The following PHKB variants were observed in gnomAD, a reference collection of about 807,000 sequenced individuals.
The protein encoded by PHKB is phosphorylase b kinase regulatory subunit beta.
Under a neutral mutation model 152.1 loss-of-function variants are expected in PHKB, and 122 were observed. The observed-to-expected ratio is 0.80, with a 90% CI of 0.69 to 0.93. The LOEUF is 0.93. PHKB is among the 40% of genes least tolerant of loss of function. PHKB has a pLI of 0.00. For synonymous variants in PHKB, 436 were observed against 464.9 expected, an observed-to-expected ratio of 0.94 and a Z score of 0.80; for missense variants, 1,304 against 1,328.4, an observed-to-expected ratio of 0.98 and a Z score of 0.29.
At chr16:47,612,784 G>A (rs909088667) in intron 14 of PHKB, among the ~76,000 whole-genome samples, 1 of 152,130 alleles carries the variant, frequency 6.6e-6, no homozygotes, top group Non-Finnish European at 1.5e-5. Flanking sequence ...GGTTGTGGTG[G>A]TATATAAAAT....
chr16:47,629,554 G>T (rs1972782647), intron 14 of PHKB, among the ~76,000 whole-genome samples: 1 of 150,814 alleles, frequency 6.6e-6, no homozygotes, highest in African/African-American at 2.4e-5. Flanking sequence ...GGAGAAATAG[G>T]AACACTTTTA....
Position 47,672,188 on chromosome 16 carries a change from T to A in PHKB, c.2630+2771T>A, listed in dbSNP as rs75445578. 2.5e-3 allele frequency among the ~76,000 whole-genome samples: 385 copies of A among 152,292 alleles called. 1 individual carries two copies. The highest frequency in any genetic ancestry group is 2.9e-3 in the Non-Finnish European group (200 of 67,990). ...TATCTTTGTCTCTTCTTTCTTTTGA[T>A]TGAAAGTAAATTACCTGCATAGAAT... On this transcript the variant is annotated intron_variant, in intron 26 of 30. Transcript: ENST00000323584.
intron 6 of PHKB, among the ~76,000 whole-genome samples, chr16:47,517,617 A>T (rs1185411870): frequency 6.6e-6 from 1 of 152,132 alleles, no homozygotes; most frequent in African/African-American, 2.4e-5. Flanking sequence ...AATATATGTC[A>T]TAATTCATTT....
chr16:47,685,487 ATT>A (rs1973948821), intron 26 of PHKB, among the ~76,000 whole-genome samples: 1 of 152,188 alleles, frequency 6.6e-6, no homozygotes, highest in East Asian at 1.9e-4. Flanking sequence ...TGGCCTTGTC[ATT>A]GGGAATGAGG....
intron 25 of PHKB, among the ~76,000 whole-genome samples, chr16:47,668,716 T>C (rs1973583053): frequency 6.6e-6 from 1 of 152,122 alleles, no homozygotes; most frequent in Non-Finnish European, 1.5e-5. Context: ...CCCAGAAAAA[T>C]GAGGGCTACA....
At chr16:47,651,382 C>G (rs143720109) in intron 20 of PHKB, among the ~76,000 whole-genome samples, 6 of 152,164 alleles carry the variant, frequency 3.9e-5, no homozygotes, top group Non-Finnish European at 8.8e-5. Flanking sequence ...CCACAGTTCT[C>G]TCCTACTAAA....
chr16:47,565,053 A>G, intron 7 of PHKB: 1 of 431,238 alleles, frequency 2.3e-6, no homozygotes, highest in Non-Finnish European at 4.5e-6. Flanking sequence ...GTGCAGAGAA[A>G]GTAGGAGAAA....
intron 1 of PHKB, among the ~76,000 whole-genome samples, chr16:47,465,812 C>G (rs1969658727): frequency 6.6e-6 from 1 of 152,062 alleles, no homozygotes; most frequent in South Asian, 2.1e-4. Flanking sequence ...TTGCTTTCCC[C>G]TATTGTAGTT....
At chr16:47,507,868 C>T (rs1168387916) in intron 4 of PHKB, among the ~76,000 whole-genome samples, 1 of 152,168 alleles carries the variant, frequency 6.6e-6, no homozygotes, top group Non-Finnish European at 1.5e-5. Flanking sequence ...GCTTGCCGTT[C>T]TTTTCCTCCT....
chr16:47,520,766 ACAT>A lies in PHKB; in HGVS notation c.594+5169_594+5171del, dbSNP rs1396790311. Among the ~76,000 whole-genome samples the A allele has an allele frequency of 6.6e-4, 101 of 152,208 alleles. 2 individuals are homozygous for A. Among genetic ancestry groups the A allele is most frequent in the Non-Finnish European group, 4.9e-4 (33 of 68,024 alleles). ...AAATGAAAAAAGAATTTAGTCTGTA[ACAT>A]CATGCAGTCCATATTATTGTGGGGA... On this transcript the variant is annotated intron_variant, in intron 6 of 30. Coordinates refer to ENST00000323584, the MANE Select transcript of PHKB (RefSeq NM_000293.3).
At chr16:47,591,496 C>G (rs1406707194) in intron 10 of PHKB, among the ~76,000 whole-genome samples, 1 of 152,142 alleles carries the variant, frequency 6.6e-6, no homozygotes, top group Non-Finnish European at 1.5e-5. Context: ...GGAACATTCT[C>G]CATTGGCTGT....
rs369620548 is a variant in PHKB, at chr16:47,471,086, A to G, written c.76+9660A>G. On this transcript the variant is annotated intron_variant, in intron 1 of 30. Transcript: ENST00000323584. ...CTTAAGTGGTTACTTAACACCACTC[A>G]TCAGCTCTCTGTCTCCTGCAGGGTT... 5.3e-5 allele frequency among the ~76,000 whole-genome samples: 8 copies of G among 152,310 alleles called. No homozygotes were observed. The East Asian group carries it at 1.5e-3, about 29-fold the overall frequency.
intron 7 of PHKB, among the ~76,000 whole-genome samples, chr16:47,557,499 A>T (rs1971396392): frequency 6.6e-6 from 1 of 152,248 alleles, no homozygotes; most frequent in African/African-American, 2.4e-5. Flanking sequence ...CAAAGGGCTA[A>T]TATCCAGAAT....
chr16:47,517,414 C>T (rs1970616628), intron 6 of PHKB, among the ~76,000 whole-genome samples: 1 of 151,942 alleles, frequency 6.6e-6, no homozygotes, highest in African/African-American at 2.4e-5. Context: ...CACCACCATG[C>T]CCGGCTAATT....
chr16:47,476,981 A>G (rs1172128746), intron 1 of PHKB, among the ~76,000 whole-genome samples: 1 of 152,112 alleles, frequency 6.6e-6, no homozygotes, highest in East Asian at 1.9e-4. Flanking sequence ...CAATGTTATT[A>G]ATGTACCTGG....
At chr16:47,498,763 A>T (rs1970274816) in intron 2 of PHKB, among the ~76,000 whole-genome samples, 1 of 152,114 alleles carries the variant, frequency 6.6e-6, no homozygotes, top group Non-Finnish European at 1.5e-5. Context: ...TTAGCCTGGC[A>T]TGGTGGCGAT....
intron 26 of PHKB, among the ~76,000 whole-genome samples, chr16:47,683,579 TCTC>T (rs1973904846): frequency 6.6e-6 from 1 of 152,182 alleles, no homozygotes; most frequent in Admixed American, 6.5e-5. Flanking sequence ...TGGGATATAA[TCTC>T]CTGGTGTGCC....
chr16:47,543,533 T>A (rs1347212703), intron 6 of PHKB, among the ~76,000 whole-genome samples: 3 of 152,208 alleles, frequency 2.0e-5, no homozygotes, highest in African/African-American at 7.2e-5. Context: ...TTAGAGAGGA[T>A]TCCCTCTTTC....
At chr16:47,610,703 G>A (rs1282014655) in intron 13 of PHKB, 123 bp from the exon 14 acceptor site, 3 of 705,480 alleles carry the variant, frequency 4.3e-6, no homozygotes, top group East Asian at 2.7e-5. Flanking sequence ...GGTGGAGGAT[G>A]TTTCATGTAC....
Sources: allele counts gnomAD v4.1 joint callset (sites outside exome capture counted in the v4.1 genomes callset), GRCh38; gene constraint gnomAD v4.1.1; transcripts MANE v1.5; gene names NCBI Gene and HGNC (gene_info 2026-07-23, HGNC 2026-07-21).